PLAAT3: variants seen among roughly 807,000 people sequenced by gnomAD.
PLAAT3 encodes the protein phospholipase A and acyltransferase 3.
PLAAT3 carries 21 observed loss-of-function variants against 16.7 expected under a neutral mutation model. The observed-to-expected ratio is 1.26, with a 90% CI of 0.89 to 1.81. The LOEUF (loss-of-function observed/expected upper bound fraction) is 1.81, where lower values mean the gene tolerates loss of function less well. Among genes scored for constraint, PLAAT3 ranks in the 40% most tolerant of loss-of-function variants. The pLI, the probability that PLAAT3 is intolerant of heterozygous loss-of-function variation, is 0.00. For missense variants in PLAAT3, 219 were observed against 213.7 expected (o/e 1.02, Z -0.16); for synonymous variants, 76 against 81.7 (o/e 0.93, Z 0.38).
intron 4 of PLAAT3, among the ~76,000 whole-genome samples, chr11:63,589,593 A>G (rs1210145663): frequency 2.6e-5 from 4 of 152,198 alleles, no homozygotes; most frequent in Non-Finnish European, 5.9e-5. Context: ...GGCTGAAGAC[A>G]GTGCTGTTTA....
chr11:63,591,709 A>G (rs1938157766), intron 3 of PLAAT3, among the ~76,000 whole-genome samples: 2 of 152,258 alleles, frequency 1.3e-5, no homozygotes, highest in Non-Finnish European at 2.9e-5. Context: ...TAGGGAATTC[A>G]GACTTGATAG....
Position 63,589,972 on chromosome 11 carries a change from C to T in PLAAT3, c.387+128G>A. ...GTCCCCACCCTTGTCCCAACTGTGACATCCTCAAGGGCAGTAATTCTGTCT... is the reference window on the plus strand; with the variant it reads ...GTCCCCACCCTTGTCCCAACTGTGATATCCTCAAGGGCAGTAATTCTGTCT... On this transcript the variant is annotated intron_variant, in intron 4 of 4. Transcript: ENST00000415826. 5 of 761,832 alleles carry T rather than the reference C, an allele frequency of 6.6e-6. 1 individual carries two copies. The South Asian group carries it at 7.8e-5, about 12-fold the overall frequency. 47.2% of individuals were successfully genotyped at this position (761,832 alleles called of 1,614,324 possible).
intron 4 of PLAAT3, among the ~76,000 whole-genome samples, chr11:63,582,928 C>A (rs1372045352): frequency 6.6e-6 from 1 of 152,074 alleles, no homozygotes; most frequent in Non-Finnish European, 1.5e-5. Flanking sequence ...GTCAGGAGTT[C>A]GAGACCAGCC....
At chr11:63,584,985 A>G (rs1413344363) in intron 4 of PLAAT3, among the ~76,000 whole-genome samples, 1 of 152,052 alleles carries the variant, frequency 6.6e-6, no homozygotes, top group Admixed American at 6.5e-5. Flanking sequence ...TCTGATATGT[A>G]CTAAATCTAT....
chr11:63,605,216 G>A (rs1053053808), intron 2 of PLAAT3, among the ~76,000 whole-genome samples: 2 of 152,006 alleles, frequency 1.3e-5, no homozygotes, highest in Admixed American at 1.3e-4. Flanking sequence ...CCAACATGGT[G>A]AAACTCCATC....
intron 3 of PLAAT3, among the ~76,000 whole-genome samples, chr11:63,594,624 A>C (rs1938238020): frequency 6.6e-6 from 1 of 152,158 alleles, no homozygotes. Flanking sequence ...AGAAAAAAAG[A>C]AAAAGAAAAA....
At chr11:63,584,568 C>T (rs977724453) in intron 4 of PLAAT3, among the ~76,000 whole-genome samples, 2 of 146,610 alleles carry the variant, frequency 1.4e-5, no homozygotes, top group African/African-American at 5.1e-5. Flanking sequence ...GGCTGGAGTA[C>T]AGTGGTGCAA....
At position 63,574,948 on chromosome 11, in the gene PLAAT3, T is replaced by C. The variant is rs1424707233; in HGVS notation, c.486A>G (p.Gln162=). 2.5e-6 allele frequency: 4 copies of C among 1,593,722 alleles called. No homozygotes were observed. The highest frequency in any genetic ancestry group is 3.4e-6 in the Non-Finnish European group (4 of 1,161,208). ...CTGACAGGACAGTCTTTTTCAGTTATTGCTTTTGTCGCTTGTTTCTTGAGA... is the reference window on the plus strand; with the variant it reads ...CTGACAGGACAGTCTTTTTCAGTTACTGCTTTTGTCGCTTGTTTCTTGAGA... ...VMFSRNKRQK[Q] is the part of the protein sequence containing the mutation. Residue 162 remains glutamine, a synonymous_variant, in exon 5 of 5, where the codon CAA becomes CAG. Transcript: ENST00000415826.
intron 4 of PLAAT3, among the ~76,000 whole-genome samples, chr11:63,588,226 T>C (rs1938035715): frequency 6.6e-6 from 1 of 152,028 alleles, no homozygotes. Flanking sequence ...CCCAGCACCA[T>C]GCCCGGCTAA....
chr11:63,600,283 C>G (rs1046878023), intron 2 of PLAAT3, among the ~76,000 whole-genome samples: 3 of 151,968 alleles, frequency 2.0e-5, no homozygotes, highest in Non-Finnish European at 4.4e-5. Flanking sequence ...GCGCCCAGCC[C>G]CATGCTGCAT....
intron 2 of PLAAT3, among the ~76,000 whole-genome samples, chr11:63,600,792 T>G (rs933254704): frequency 4.0e-5 from 6 of 150,912 alleles, no homozygotes; most frequent in African/African-American, 1.5e-4. Flanking sequence ...TTAGTAGAGA[T>G]GGGGTTTCAC....
chr11:63,603,661 A>G (rs1938486140), intron 2 of PLAAT3, among the ~76,000 whole-genome samples: 1 of 151,734 alleles, frequency 6.6e-6, no homozygotes, highest in African/African-American at 2.4e-5. Flanking sequence ...AGAAAAAAAA[A>G]CCCTAACAAC....
intron 3 of PLAAT3, among the ~76,000 whole-genome samples, chr11:63,594,899 G>T (rs146653587): frequency 6.7e-6 from 1 of 149,478 alleles, no homozygotes; most frequent in East Asian, 2.0e-4. Context: ...GGGGGTGGGG[G>T]TACATGGGTA....
At chr11:63,586,195 G>A (rs151128207) in intron 4 of PLAAT3, among the ~76,000 whole-genome samples, 5 of 152,124 alleles carry the variant, frequency 3.3e-5, no homozygotes, top group Non-Finnish European at 7.4e-5. Flanking sequence ...GTACACTGGC[G>A]CAATCTTGGC....
At chr11:63,615,770 C>T (rs570403652), upstream of PLAAT3, among the ~76,000 whole-genome samples, 40 of 151,654 alleles carry the variant, frequency 2.6e-4, no homozygotes, top group South Asian at 8.3e-3. Flanking sequence ...TCCGGGCAAG[C>T]GATTCTCCTG....
chr11:63,601,456 T>C (rs936400904), intron 2 of PLAAT3, among the ~76,000 whole-genome samples: 1 of 151,412 alleles, frequency 6.6e-6, no homozygotes, highest in Non-Finnish European at 1.5e-5. Flanking sequence ...AAGAGATACA[T>C]ATTCCCAAGC....
At chr11:63,615,036 A>ATATATATATATATATGTC (rs1430716959), upstream of PLAAT3, among the ~76,000 whole-genome samples, 1 of 23,298 alleles carries the variant, frequency 4.3e-5, no homozygotes, top group African/African-American at 6.2e-5. Flanking sequence ...ATGTGTGTAT[A>ATATATATATATATATGTC]TATATGTATA....
intron 4 of PLAAT3, among the ~76,000 whole-genome samples, chr11:63,578,026 T>G (rs770183663): frequency 2.9e-4 from 44 of 152,216 alleles, no homozygotes; most frequent in Admixed American, 1.3e-4. Flanking sequence ...CTCAAGTCTG[T>G]AATCCCAGCA....
chr11:63,604,106 C>T (rs1479060604), intron 2 of PLAAT3, among the ~76,000 whole-genome samples: 5 of 152,066 alleles, frequency 3.3e-5, no homozygotes, highest in Admixed American at 6.5e-5. Context: ...GAGCTGAGAT[C>T]ACGCCACTGC....
Sources: allele counts gnomAD v4.1 joint callset (sites outside exome capture counted in the v4.1 genomes callset), GRCh38; gene constraint gnomAD v4.1.1; transcripts MANE v1.5; gene names NCBI Gene and HGNC (gene_info 2026-07-23, HGNC 2026-07-21).